Variants in COPE observed in about 807,000 individuals in gnomAD.
COPE encodes the protein coat protein complex I subunit epsilon, also known as coatomer subunit epsilon.
Under a neutral mutation model 42.1 loss-of-function variants are expected in COPE, and 19 were observed. That is an observed-to-expected ratio of 0.45 (90% confidence interval 0.31 to 0.66). The LOEUF (loss-of-function observed/expected upper bound fraction) is 0.66, where lower values mean the gene tolerates loss of function less well. Among genes scored for constraint, COPE ranks in the 30% least tolerant of loss-of-function variants. The pLI is 0.05. For synonymous variants in COPE, 195 were observed against 181.3 expected (o/e 1.08, Z -0.60); for missense variants, 402 against 416.1 (o/e 0.97, Z 0.30).
In COPE at chr19:18,913,058, A is replaced by C. The variant is rs745748897; in HGVS notation, c.127-12T>G. 7 of 1,609,028 alleles carry C rather than the reference A, an allele frequency of 4.4e-6. No homozygotes were observed. The highest frequency in any genetic ancestry group is 2.2e-5 in the South Asian group (2 of 91,072). The stretch of plus-strand genomic sequence containing the variant: ...TCTGGGCTTGATAGCTGTGGGAACC[A>C]ATGTGAGTCAGGACGCACAGTGGGA... On this transcript the variant is annotated splice_polypyrimidine_tract_variant and intron_variant, in intron 1 of 9. Transcript: ENST00000262812.
At chr19:18,914,100 G>A (rs973544645) in intron 1 of COPE, among the ~76,000 whole-genome samples, 2 of 152,146 alleles carry the variant, frequency 1.3e-5, no homozygotes, top group Admixed American at 6.6e-5. Flanking sequence ...GTGGGTATCT[G>A]GCTATGATTT....
chr19:18,915,869 G>A (rs773907262), intron 1 of COPE, among the ~76,000 whole-genome samples: 14 of 152,224 alleles, frequency 9.2e-5, no homozygotes, highest in Non-Finnish European at 1.6e-4. Context: ...ACTGGCAAAT[G>A]TCAGAAACCC....
intron 5 of COPE, 141 bp from the exon 6 acceptor site, chr19:18,904,993 C>G (rs2056745113): frequency 1.2e-6 from 1 of 838,964 alleles, no homozygotes; most frequent in Non-Finnish European, 1.9e-6. Context: ...TACCCCACGA[C>G]TAAGTGCCCG....
At position 18,900,233 on chromosome 19, in the gene COPE, G is replaced by C. The variant is rs1037706210; in HGVS notation, c.804+148C>G. On this transcript the variant is annotated intron_variant, in intron 8 of 9. Coordinates refer to ENST00000262812, the MANE Select transcript of COPE (RefSeq NM_007263.4). Reference sequence around the variant, plus strand: ...GGGCCCCAGGTGAGGATGGGTTGGGGGGCACAGGGTTTGTGAGGGAGGTGG... The same window carrying C: ...GGGCCCCAGGTGAGGATGGGTTGGGCGGCACAGGGTTTGTGAGGGAGGTGG... 30 of 685,538 alleles carry C rather than the reference G, an allele frequency of 4.4e-5. No homozygotes were observed. The South Asian group carries it at 4.6e-4, about 11-fold the overall frequency. The allele number at this position is 685,538 out of a possible 1,614,324, so 42.5% of individuals were successfully genotyped here.
rs1268297714 is a variant in COPE at position 18,902,768 on chromosome 19, GGAAA to G, written c.735+496_735+499del. On this transcript the variant is annotated intron_variant, in intron 7 of 9. Coordinates refer to ENST00000262812, the MANE Select transcript of COPE (RefSeq NM_007263.4). ...GAAGGAAAGGAAGGAAGGAAGGAAG[GGAAA>G]GAAGGAAGGAAGGAAGGAAGGAAGG... 5.8e-5 allele frequency among the ~76,000 whole-genome samples: 2 copies of G among 34,614 alleles called. 1 individual carries two copies. Among genetic ancestry groups the G allele is most frequent in the Non-Finnish European group, 1.0e-4 (2 of 19,288 alleles). 22.7% of individuals were successfully genotyped at this position (34,614 alleles called of 152,430 possible).
chr19:18,919,385 C>T lies in COPE; in HGVS notation c.-37G>A. 5.0e-6 allele frequency: 8 copies of T among 1,605,982 alleles called. No homozygotes were observed. Among genetic ancestry groups the T allele is most frequent in the Non-Finnish European group, 5.9e-6 (7 of 1,176,494 alleles). ...CTCACCAGCTCCTCTTCCTGAAAGA[C>T]ACGTCAGCCGGAAGCAAGACACGGG... On this transcript the variant is annotated 5_prime_UTR_variant, in exon 1 of 10. Coordinates refer to ENST00000262812, the MANE Select transcript of COPE (RefSeq NM_007263.4).
At chr19:18,908,809 G>A (rs796864465) in intron 3 of COPE, among the ~76,000 whole-genome samples, 4 of 152,002 alleles carry the variant, frequency 2.6e-5, no homozygotes, top group South Asian at 2.1e-4. Context: ...GAGCCACTGC[G>A]CCCGGCCAGG....
rs542329797 is a variant in COPE at position 18,913,534 on chromosome 19, G to A, written c.127-488C>T. Among the ~76,000 whole-genome samples the A allele has an allele frequency of 2.1e-4, 32 of 152,350 alleles. No individual in the cohort carries two copies. The East Asian group carries it at 6.2e-3, about 29-fold the overall frequency. On this transcript the variant is annotated intron_variant, in intron 1 of 9. Transcript: ENST00000262812. ...TTGCACAGAACTGAGGAGCAAGAGG[G>A]AGGTAACCTGTGGCAACATCCATTT... is the stretch of plus-strand genomic sequence containing the variant.
intron 7 of COPE, among the ~76,000 whole-genome samples, chr19:18,902,772 AGAAGGAAG>A (rs71168781): frequency 0.075 from 2,400 of 31,952 alleles, 547 homozygotes; most frequent in East Asian, 0.15. Flanking sequence ...AGGAAGGGAA[AGAAGGAAG>A]GAAGGAAGGA....
At chr19:18,903,477 C>T (rs1444710777) in intron 6 of COPE, 54 bp from the exon 7 acceptor site, 4 of 1,542,628 alleles carry the variant, frequency 2.6e-6, no homozygotes, top group Admixed American at 3.8e-5. Context: ...GGCCCTTCCC[C>T]CGCCAGCCCC....
At chr19:18,901,293 A>G (rs1164121489) in intron 7 of COPE, among the ~76,000 whole-genome samples, 2 of 152,272 alleles carry the variant, frequency 1.3e-5, no homozygotes, top group Non-Finnish European at 2.9e-5. Context: ...GAGGTGTAAC[A>G]AAAGCCCCCA....
intron 1 of COPE, among the ~76,000 whole-genome samples, chr19:18,918,670 CT>C (rs2056881412): frequency 6.6e-6 from 1 of 152,170 alleles, no homozygotes; most frequent in African/African-American, 2.4e-5. Context: ...CGCATGCGAT[CT>C]GCCCGCCTCG....
chr19:18,907,177 C>CT, intron 3 of COPE, 65 bp from the exon 4 acceptor site: 1 of 1,547,092 alleles, frequency 6.5e-7, no homozygotes, highest in East Asian at 2.3e-5. Flanking sequence ...AGAGGGTCCC[C>CT]TTCCTTGGAA....
intron 1 of COPE, among the ~76,000 whole-genome samples, chr19:18,914,661 C>T (rs1187211794): frequency 6.6e-6 from 1 of 152,026 alleles, no homozygotes; most frequent in Admixed American, 6.6e-5. Flanking sequence ...GTGGCTCACA[C>T]CTGTAAACCC....
At chr19:18,902,412 C>G (rs911498102) in intron 7 of COPE, among the ~76,000 whole-genome samples, 1 of 151,314 alleles carries the variant, frequency 6.6e-6, no homozygotes, top group Non-Finnish European at 1.5e-5. Flanking sequence ...CGCCTATAAT[C>G]CCAGCACTTT....
At chr19:18,904,410 C>T (rs957390357) in intron 6 of COPE, among the ~76,000 whole-genome samples, 11 of 152,242 alleles carry the variant, frequency 7.2e-5, no homozygotes, top group African/African-American at 2.7e-4. Context: ...GAACACTGAA[C>T]TCCGTCCCTG....
At chr19:18,917,242 T>TTTC (rs1491589483) in intron 1 of COPE, among the ~76,000 whole-genome samples, 9 of 52,748 alleles carry the variant, frequency 1.7e-4, no homozygotes, top group Admixed American at 5.8e-4. Context: ...TCTTTTTTTC[T>TTTC]TTTTTTTTTT....
In COPE at chr19:18,911,028, G is replaced by T. The variant is rs773241994; in HGVS notation, c.233C>A (p.Ala78Asp). The change falls in exon 3 of 10, where the codon GCC (alanine) becomes GAC (aspartate). Residue 78 changes from alanine (A) to aspartate (D), a missense_variant. By Grantham distance (126) the Ala-to-Asp change is moderately radical (BLOSUM62 -2). Coordinates refer to ENST00000262812, the MANE Select transcript of COPE (RefSeq NM_007263.4). ...CATGCGCACGGCCTGGAGCTCAGGG[G>T]CCGAGGAGGGCTTGATCTCATCCAG... The part of the protein sequence containing the change: ...VVLDEIKPSS[A>D]PELQAVRMFA... 1.9e-6 allele frequency: 3 copies of T among 1,614,006 alleles called. No homozygotes were observed. In the Admixed American group the frequency reaches 5.0e-5, roughly 27 times the overall value.
In COPE at chr19:18,918,630, C is replaced by T. The variant is rs542094727; in HGVS notation, c.126+593G>A. On this transcript the variant is annotated intron_variant, in intron 1 of 9. Coordinates refer to ENST00000262812, the MANE Select transcript of COPE (RefSeq NM_007263.4). ...TTTTGGTAGACTCATGGTTTCTCCA[C>T]GTTGCCCAAGCTGGTCTCGAACTCC... Among the ~76,000 whole-genome samples, 22 of 152,268 alleles carry T rather than the reference C, an allele frequency of 1.4e-4. No individual in the cohort carries two copies. In the South Asian group the frequency reaches 4.6e-3, roughly 32 times the overall value.
Sources: gnomAD v4.1 joint callset for allele counts (sites outside exome capture counted in the v4.1 genomes callset) on GRCh38, gnomAD v4.1.1 for gene constraint, MANE v1.5 for transcripts, NCBI Gene and HGNC (gene_info 2026-07-23, HGNC 2026-07-21) for gene names.